Variants in CKAP2 observed in about 807,000 individuals in gnomAD.
The protein encoded by CKAP2 is cytoskeleton associated protein 2.
CKAP2 carries 46 observed loss-of-function variants against 58.4 expected under a neutral mutation model. The observed-to-expected ratio is 0.79, with a 90% CI of 0.62 to 1.01. The LOEUF is 1.01. CKAP2 is among the 50% of genes least tolerant of loss of function. The pLI is 0.00. For synonymous variants in CKAP2, 293 were observed against 280.9 expected (o/e 1.04, Z -0.43); for missense variants, 809 against 796.4 (o/e 1.02, Z -0.19).
Position 52,456,566 on chromosome 13 carries a change from A to C in CKAP2, c.114A>C (p.Lys38Asn). 1 of 1,613,866 alleles carries C rather than the reference A, an allele frequency of 6.2e-7. No individual in the cohort carries two copies. ...TCAAGGAACATCTGTTGAGAAGAAA[A>C]ACGCTTTTTGCATACAAGCAGGAAA... ...QKLKEHLLRR[K>N]TLFAYKQENE... Residue 38 changes from lysine to asparagine, a missense_variant, in exon 2 of 9, where the codon AAA becomes AAC. Lys to Asn is a moderately conservative substitution (Grantham distance 94). Transcript: ENST00000258607.
chr13:52,455,685 C>G, intron 1 of CKAP2, 59 bp downstream of exon 1: 2 of 1,417,650 alleles, frequency 1.4e-6, no homozygotes, highest in Non-Finnish European at 1.8e-6. Context: ...GGCGCGGGCC[C>G]GGCGGTCGGG....
intron 6 of CKAP2, among the ~76,000 whole-genome samples, chr13:52,466,030 T>A (rs996924834): frequency 1.3e-5 from 2 of 150,486 alleles, no homozygotes; most frequent in Non-Finnish European, 3.0e-5. Context: ...TATACACATA[T>A]ACACATATAT....
rs768078904 is a variant in CKAP2, at chr13:52,460,930, C to G, written c.187C>G (p.Gln63Glu). ...RDQRVVTSED[Q>E]VQEGTKVLKL... The stretch of plus-strand genomic sequence containing the variant: ...TCAGAGAGTTGTGACATCTGAGGAC[C>G]AAGTTCAAGAAGGGACTAAAGTGCT... The change falls in exon 3 of 9, where the codon CAA (glutamine) becomes GAA (glutamate). Residue 63 changes from glutamine (Q) to glutamate (E), a missense_variant. Physicochemically the swap from Gln to Glu is conservative, Grantham distance 29 (BLOSUM62 2). Coordinates refer to ENST00000258607, the MANE Select transcript of CKAP2 (RefSeq NM_018204.5). 1 of 1,612,970 alleles carries G rather than the reference C, an allele frequency of 6.2e-7. No homozygotes were observed. Among genetic ancestry groups the G allele is most frequent in the Non-Finnish European group, 8.5e-7 (1 of 1,179,802 alleles).
At position 52,474,932 on chromosome 13, in the gene CKAP2, G is replaced by T. The variant is rs751385274; in HGVS notation, c.1840G>T (p.Ala614Ser). 7 of 1,611,166 alleles carry T rather than the reference G, an allele frequency of 4.3e-6. No homozygotes were observed. Among genetic ancestry groups the T allele is most frequent in the Non-Finnish European group, 5.9e-6 (7 of 1,177,640 alleles). Residue 614 changes from alanine (A) to serine (S), a missense_variant, in exon 9 of 9, where the codon GCA becomes TCA. By Grantham distance (99) the Ala-to-Ser change is moderately conservative. Transcript: ENST00000258607. ...GGTGCAGTTTGATGGAACAAATTCC[G>T]CATTTAAAGAGCTGAAGTTTTTAAC... is the stretch of plus-strand genomic sequence containing the variant. ...KKVQFDGTNS[A>S]FKELKFLTPV...
At chr13:52,466,118 G>A (rs1958674257) in intron 6 of CKAP2, among the ~76,000 whole-genome samples, 1 of 151,554 alleles carries the variant, frequency 6.6e-6, no homozygotes, top group Non-Finnish European at 1.5e-5. Context: ...GCAATAAACC[G>A]GTTTCTCTAA....
intron 7 of CKAP2, among the ~76,000 whole-genome samples, chr13:52,470,914 C>T (rs1460802110): frequency 6.6e-6 from 1 of 151,916 alleles, no homozygotes; most frequent in Non-Finnish European, 1.5e-5. Context: ...AATCCCAGCA[C>T]TTTGGGAGGC....
At chr13:52,463,772 C>T (rs1486246069) in intron 5 of CKAP2, among the ~76,000 whole-genome samples, 2 of 152,176 alleles carry the variant, frequency 1.3e-5, no homozygotes, top group African/African-American at 2.4e-5. Flanking sequence ...AGTCATCTGC[C>T]TCATTAGCAA....
At position 52,461,806 on chromosome 13, in the gene CKAP2, CATTGTCT is replaced by C; in HGVS notation, c.982_988del (p.Leu328MetfsTer4). ...TCTGAAGTTATAGCCAGGCCTGCTTCATTGTCTAATGATAAACTGATGGAAAAGTCAG... is the reference window on the plus strand; with the variant it reads ...TCTGAAGTTATAGCCAGGCCTGCTTCAATGATAAACTGATGGAAAAGTCAG... On this transcript the variant is annotated frameshift_variant, in exon 4 of 9. Coordinates refer to ENST00000258607, the MANE Select transcript of CKAP2 (RefSeq NM_018204.5). LOFTEE classifies it high-confidence loss of function. 1.2e-6 allele frequency: 2 copies of C among 1,614,076 alleles called. No homozygotes were observed. Among genetic ancestry groups the C allele is most frequent in the Non-Finnish European group, 1.7e-6 (2 of 1,179,952 alleles).
Position 52,475,010 on chromosome 13 carries a change from A to G in CKAP2, c.1918A>G (p.Met640Val), listed in dbSNP as rs1262693051. ...LQEKTSKLPD[M>V]LKDHYPCVSS... Reference sequence around the variant, plus strand: ...AGAGAAAACTTCTAAATTGCCAGATATGTTAAAAGATCATTATCCTTGTGT... The same window carrying G: ...AGAGAAAACTTCTAAATTGCCAGATGTGTTAAAAGATCATTATCCTTGTGT... Residue 640 changes from methionine (M) to valine (V), a missense_variant, in exon 9 of 9, where the codon ATG (methionine) becomes GTG (valine). Transcript: ENST00000258607. 2 of 1,614,234 alleles carry G rather than the reference A, an allele frequency of 1.2e-6. No individual in the cohort carries two copies. Among genetic ancestry groups the G allele is most frequent in the South Asian group, 2.2e-5 (2 of 91,076 alleles).
chr13:52,474,005 G>T lies in CKAP2; in HGVS notation c.1723G>T (p.Asp575Tyr). ...QDNKTKDPTH[D>Y]VKTPNTETRT... ...CAACAAAACAAAAGATCCAACCCAT[G>T]ATGTTAAAACCCCCAATACAGAAAC... Residue 575 changes from aspartate to tyrosine, a missense_variant, in exon 8 of 9, where the codon GAT becomes TAT. Around this residue, in one of 3 missense-constraint regions of CKAP2, gnomAD observed 283 missense variants for 287.6 expected, o/e 0.98. Coordinates refer to ENST00000258607, the MANE Select transcript of CKAP2 (RefSeq NM_018204.5). The T allele has an allele frequency of 6.2e-7, 1 of 1,613,968 alleles. No homozygotes were observed. Among genetic ancestry groups the T allele is most frequent in the African/African-American group, 1.3e-5 (1 of 75,028 alleles).
chr13:52,461,948 T>G, intron 4 of CKAP2, 22 bp downstream of exon 4: 1 of 1,548,562 alleles, frequency 6.5e-7, no homozygotes, highest in Non-Finnish European at 8.7e-7. Context: ...TAATTTTCTT[T>G]ATTACATTAG....
At chr13:52,473,339 A>G (rs1033358708) in intron 7 of CKAP2, among the ~76,000 whole-genome samples, 1 of 152,066 alleles carries the variant, frequency 6.6e-6, no homozygotes, top group South Asian at 2.1e-4. Flanking sequence ...GCTCATTACA[A>G]TCTAGCTCTT....
intron 1 of CKAP2, 139 bp downstream of exon 1, chr13:52,455,765 C>T (rs1224386364): frequency 4.8e-6 from 5 of 1,035,584 alleles, no homozygotes; most frequent in Non-Finnish European, 6.5e-6. Context: ...GCGTCGGCCT[C>T]GCCCTGCCTC....
chr13:52,464,963 T>C (rs1441511847), intron 5 of CKAP2, among the ~76,000 whole-genome samples: 1 of 152,224 alleles, frequency 6.6e-6, no homozygotes, highest in African/African-American at 2.4e-5. Flanking sequence ...ATTATTTAAT[T>C]ATATGTAACT....
rs183265711 is a variant in CKAP2, at chr13:52,471,975, C to T, written c.1547-1854C>T. ...TCCAGCCTCTTCTCTTTCCCTCTCC[C>T]CTACATCCCTGAATTTCTCTTTCTT... On this transcript the variant is annotated intron_variant, in intron 7 of 8. Coordinates refer to ENST00000258607, the MANE Select transcript of CKAP2 (RefSeq NM_018204.5). Among the ~76,000 whole-genome samples the T allele has an allele frequency of 7.1e-4, 108 of 152,284 alleles. No individual in the cohort carries two copies. In the Middle Eastern group the frequency reaches 0.01, roughly 14 times the overall value.
intron 6 of CKAP2, chr13:52,465,946 C>T (rs954594783): frequency 3.4e-6 from 1 of 293,600 alleles, no homozygotes; most frequent in Non-Finnish European, 6.6e-6. Context: ...TATATATACA[C>T]ATATATATGC....
chr13:52,462,033 T>A, intron 4 of CKAP2, 107 bp downstream of exon 4: 1 of 1,100,686 alleles, frequency 9.1e-7, no homozygotes, highest in Non-Finnish European at 1.3e-6. Flanking sequence ...TCATGGTTTC[T>A]CTTCTGTCAT....
Position 52,475,166 on chromosome 13 carries a change from T to C in CKAP2, c.*25T>C, listed in dbSNP as rs201018318. 1,682 of 1,602,698 alleles carry C rather than the reference T, an allele frequency of 1.0e-3. 33 individuals are homozygous for C. The South Asian group carries it at 0.017, about 17-fold the overall frequency. On this transcript the variant is annotated 3_prime_UTR_variant, in exon 9 of 9. Coordinates refer to ENST00000258607, the MANE Select transcript of CKAP2 (RefSeq NM_018204.5). The stretch of plus-strand genomic sequence containing the variant: ...AGAGAAATAAAGCTCTGTTAGGGAA[T>C]GGGGTTTTTATTATTTGTGGGGTGT...
chr13:52,463,173 T>C lies in CKAP2; in HGVS notation c.1305+606T>C, dbSNP rs760106436. Among the ~76,000 whole-genome samples, 8 of 152,116 alleles carry C rather than the reference T, an allele frequency of 5.3e-5. No individual in the cohort carries two copies. In the South Asian group the frequency reaches 1.4e-3, roughly 28 times the overall value. On this transcript the variant is annotated intron_variant, in intron 5 of 8. Coordinates refer to ENST00000258607, the MANE Select transcript of CKAP2 (RefSeq NM_018204.5). ...GGCTGGTCTCAAACTCCTGACCTCA[T>C]GTGATCCACCCACCTCGGCCTCCCA...
Sources: gnomAD v4.1 joint callset for allele counts (sites outside exome capture counted in the v4.1 genomes callset) on GRCh38, gnomAD v4.1.1 for gene constraint, gnomAD v4.1.1 regional missense constraint, MANE v1.5 for transcripts, NCBI Gene and HGNC (gene_info 2026-07-23, HGNC 2026-07-21) for gene names.